NRXN1: variants seen among roughly 807,000 people sequenced by gnomAD.
NRXN1 encodes neurexin-1.
NRXN1 carries 39 observed loss-of-function variants against 150.9 expected under a neutral mutation model. The observed-to-expected ratio is 0.26, with a 90% CI of 0.20 to 0.34. The LOEUF is 0.34. Among genes scored for constraint, NRXN1 ranks in the 10% least tolerant of loss-of-function variants. The pLI is 1.00. For missense variants in NRXN1, 1,815 were observed against 1,949.9 expected (o/e 0.93, Z 1.30); for synonymous variants, 924 against 757.0 (o/e 1.22, Z -3.62).
chr2:50,765,889 TCTTAAATTAA>T (rs1431970265), intron 5 of NRXN1, among the ~76,000 whole-genome samples: 3 of 151,988 alleles, frequency 2.0e-5, no homozygotes, highest in African/African-American at 7.2e-5. Context: ...AGCAGCAATA[TCTTAAATTAA>T]CTCCTTGCTA....
chr2:50,632,091 T>A (rs917019459), intron 5 of NRXN1, among the ~76,000 whole-genome samples: 2 of 151,960 alleles, frequency 1.3e-5, no homozygotes, highest in Non-Finnish European at 2.9e-5. Flanking sequence ...TTATAAACAG[T>A]CCTCATTTAT....
intron 19 of NRXN1, among the ~76,000 whole-genome samples, chr2:50,057,904 AT>A (rs1252503111): frequency 6.6e-6 from 1 of 152,146 alleles, no homozygotes; most frequent in East Asian, 1.9e-4. Flanking sequence ...TCAGTTCATT[AT>A]TTGTTTAATA....
At chr2:50,820,875 G>T (rs1669628386) in intron 5 of NRXN1, among the ~76,000 whole-genome samples, 1 of 152,126 alleles carries the variant, frequency 6.6e-6, no homozygotes, top group African/African-American at 2.4e-5. Context: ...CACGAGGTCT[G>T]TTTGTGTTAT....
intron 12 of NRXN1, among the ~76,000 whole-genome samples, chr2:50,511,488 C>T (rs1481439190): frequency 6.6e-6 from 1 of 152,190 alleles, no homozygotes; most frequent in East Asian, 1.9e-4. Context: ...TTGACCTAAT[C>T]TATGGTACAA....
intron 17 of NRXN1, among the ~76,000 whole-genome samples, chr2:50,250,645 G>T (rs2066951148): frequency 6.6e-6 from 1 of 151,740 alleles, no homozygotes; most frequent in African/African-American, 2.4e-5. Context: ...CTTTAACAAG[G>T]AGTCACATAA....
At chr2:50,664,628 C>T (rs1379060970) in intron 5 of NRXN1, among the ~76,000 whole-genome samples, 1 of 151,812 alleles carries the variant, frequency 6.6e-6, no homozygotes, top group Non-Finnish European at 1.5e-5. Context: ...ACACAATGTC[C>T]TTCACTGTCT....
chr2:50,868,198 C>A (rs1677245202), intron 5 of NRXN1, among the ~76,000 whole-genome samples: 1 of 134,370 alleles, frequency 7.4e-6, no homozygotes, highest in Admixed American at 7.7e-5. Context: ...TGCATACACA[C>A]ACACAGGAAT....
intron 2 of NRXN1, among the ~76,000 whole-genome samples, chr2:50,927,982 T>C (rs1687157291): frequency 6.6e-6 from 1 of 151,970 alleles, no homozygotes; most frequent in African/African-American, 2.4e-5. Flanking sequence ...GAGTTCAAGG[T>C]CACTGATTCA....
intron 5 of NRXN1, among the ~76,000 whole-genome samples, chr2:50,896,246 G>C (rs1194415212): frequency 1.3e-5 from 2 of 152,022 alleles, no homozygotes; most frequent in African/African-American, 4.8e-5. Context: ...AAATAACTCA[G>C]ATATTATGGG....
chr2:50,552,504 T>C, intron 9 of NRXN1, 83 bp downstream of exon 9: 1 of 990,690 alleles, frequency 1.0e-6, no homozygotes, highest in Middle Eastern at 2.2e-4. Context: ...GTCTTTAATA[T>C]GTCTTGGTTT....
intron 18 of NRXN1, among the ~76,000 whole-genome samples, chr2:50,097,088 T>C (rs1020535201): frequency 3.3e-5 from 5 of 152,230 alleles, no homozygotes; most frequent in African/African-American, 9.6e-5. Context: ...TTTAGTGCAC[T>C]GTTTCCCCTC....
In NRXN1 at chr2:50,871,751, G is replaced by A. The variant is rs185469410; in HGVS notation, c.832+50118C>T. The stretch of plus-strand genomic sequence containing the variant: ...CAAAATTTTCAAGATGAATGGTATA[G>A]AAGGATTTCTAAGTTTAGAAAAATT... On this transcript the variant is annotated intron_variant, in intron 5 of 22. Transcript: ENST00000401669. Among the ~76,000 whole-genome samples the A allele has an allele frequency of 5.3e-4, 81 of 151,920 alleles. 1 individual carries two copies. Among genetic ancestry groups the A allele is most frequent in the African/African-American group, 1.8e-3 (76 of 41,514 alleles).
chr2:50,707,869 A>C (rs1694654421), intron 5 of NRXN1, among the ~76,000 whole-genome samples: 1 of 152,188 alleles, frequency 6.6e-6, no homozygotes, highest in Non-Finnish European at 1.5e-5. Flanking sequence ...CCTACAGTAT[A>C]TTAACAGTGT....
intron 17 of NRXN1, among the ~76,000 whole-genome samples, chr2:50,463,339 A>T (rs1185605948): frequency 6.6e-6 from 1 of 151,866 alleles, no homozygotes; most frequent in African/African-American, 2.4e-5. Context: ...TTGCTTTTGA[A>T]TATTGATTTG....
At chr2:50,944,845 T>C (rs566214646) in intron 2 of NRXN1, among the ~76,000 whole-genome samples, 3 of 152,208 alleles carry the variant, frequency 2.0e-5, no homozygotes, top group Non-Finnish European at 4.4e-5. Flanking sequence ...CAACTAGCAC[T>C]GTGTGTGCTA....
chr2:50,582,607 C>A (rs905732806), intron 8 of NRXN1, among the ~76,000 whole-genome samples: 16 of 150,254 alleles, frequency 1.1e-4, no homozygotes, highest in Admixed American at 2.0e-4. Flanking sequence ...GCAAAACTAG[C>A]ACATAAACAT....
At chr2:50,874,711 C>A (rs1340552082) in intron 5 of NRXN1, among the ~76,000 whole-genome samples, 1 of 151,692 alleles carries the variant, frequency 6.6e-6, no homozygotes, top group Non-Finnish European at 1.5e-5. Context: ...ATCTTTAACA[C>A]AATTAACAGA....
At chr2:50,456,240 T>C (rs899339644) in intron 17 of NRXN1, among the ~76,000 whole-genome samples, 2 of 152,114 alleles carry the variant, frequency 1.3e-5, no homozygotes, top group Non-Finnish European at 2.9e-5. Flanking sequence ...CTGAAATCAT[T>C]TCAAGTTAAG....
At chr2:51,000,889 C>T (rs1699954143) in intron 2 of NRXN1, among the ~76,000 whole-genome samples, 1 of 151,820 alleles carries the variant, frequency 6.6e-6, no homozygotes, top group Non-Finnish European at 1.5e-5. Flanking sequence ...CACTACTTAA[C>T]TACTCCTCCA....
Sources: gnomAD v4.1 joint callset for allele counts (sites outside exome capture counted in the v4.1 genomes callset) on GRCh38, gnomAD v4.1.1 for gene constraint, MANE v1.5 for transcripts, NCBI Gene and HGNC (gene_info 2026-07-23, HGNC 2026-07-21) for gene names.